Variants in CFAP20DC observed in about 807,000 individuals in gnomAD.
CFAP20DC encodes the protein CFAP20 domain containing.
CFAP20DC carries 84 observed loss-of-function variants against 101.7 expected under a neutral mutation model. The ratio of observed to expected loss-of-function variants is 0.83; its 90% CI spans 0.69 to 0.99. The LOEUF (loss-of-function observed/expected upper bound fraction) is 0.99. CFAP20DC is among the 50% of genes least tolerant of loss of function. The pLI is 0.00. For synonymous variants in CFAP20DC, 359 were observed against 351.2 expected, an observed-to-expected ratio of 1.02 and a Z score of -0.25; for missense variants, 1,007 against 970.3, an observed-to-expected ratio of 1.04 and a Z score of -0.50.
chr3:58,758,980 T>C (rs2069245304), intron 15 of CFAP20DC, among the ~76,000 whole-genome samples: 2 of 152,342 alleles, frequency 1.3e-5, no homozygotes, highest in African/African-American at 4.8e-5. Context: ...CTATTGTGAA[T>C]AGTGCTGCAA....
chr3:58,961,365 C>T (rs1359068556), intron 4 of CFAP20DC, among the ~76,000 whole-genome samples: 1 of 152,078 alleles, frequency 6.6e-6, no homozygotes, highest in Non-Finnish European at 1.5e-5. Context: ...ACAAGCCTGG[C>T]CAACATGGTG....
chr3:58,942,993 G>A (rs2088841022), intron 4 of CFAP20DC, among the ~76,000 whole-genome samples: 1 of 152,224 alleles, frequency 6.6e-6, no homozygotes, highest in African/African-American at 2.4e-5. Context: ...GTGCAGCTCT[G>A]CAAAGCCGCT....
At chr3:58,815,603 T>C (rs1229972805) in intron 14 of CFAP20DC, among the ~76,000 whole-genome samples, 1 of 151,496 alleles carries the variant, frequency 6.6e-6, no homozygotes, top group Non-Finnish European at 1.5e-5. Context: ...TTTCACAACC[T>C]GCTCATCTGA....
intron 5 of CFAP20DC, among the ~76,000 whole-genome samples, chr3:58,934,256 G>T (rs2087183082): frequency 6.6e-6 from 1 of 152,122 alleles, no homozygotes; most frequent in Admixed American, 6.5e-5. Flanking sequence ...CCAATAACAG[G>T]CTCTGAAATT....
Position 58,981,388 on chromosome 3 carries a change from C to T in CFAP20DC, c.279-43626G>A, listed in dbSNP as rs546142231. On this transcript the variant is annotated intron_variant, in intron 4 of 16. Coordinates refer to ENST00000482387, the MANE Select transcript of CFAP20DC (RefSeq NM_001394063.1). Reference sequence around the variant, plus strand: ...GTTCATATGGAACCAAAAAAGAGCCCGCATCGCCAAGTCAATCCTAAGCCA... The same window carrying T: ...GTTCATATGGAACCAAAAAAGAGCCTGCATCGCCAAGTCAATCCTAAGCCA... 5.1e-3 allele frequency among the ~76,000 whole-genome samples: 768 copies of T among 151,084 alleles called. 6 individuals carry two copies. The highest frequency in any genetic ancestry group is 0.017 in the African/African-American group (700 of 41,220).
intron 4 of CFAP20DC, among the ~76,000 whole-genome samples, chr3:58,962,499 G>A (rs2091221489): frequency 6.6e-6 from 1 of 152,138 alleles, no homozygotes; most frequent in South Asian, 2.1e-4. Flanking sequence ...TGAGATTTGT[G>A]ACCACAAATT....
At chr3:58,951,770 G>C (rs533287097) in intron 4 of CFAP20DC, among the ~76,000 whole-genome samples, 280 of 152,060 alleles carry the variant, frequency 1.8e-3, no homozygotes, top group Non-Finnish European at 2.6e-3. Flanking sequence ...GGTGGGGGGA[G>C]AGGGGAGGGA....
intron 15 of CFAP20DC, among the ~76,000 whole-genome samples, chr3:58,759,095 T>A (rs1405788225): frequency 6.6e-6 from 1 of 152,198 alleles, no homozygotes; most frequent in Non-Finnish European, 1.5e-5. Context: ...TAGTTCTAGA[T>A]CCCTGAGGAA....
intron 4 of CFAP20DC, among the ~76,000 whole-genome samples, chr3:58,967,369 A>T (rs2091636130): frequency 6.6e-6 from 1 of 152,212 alleles, no homozygotes; most frequent in Admixed American, 6.5e-5. Context: ...TTAACTCAAA[A>T]TGGATCAAAG....
Position 59,002,853 on chromosome 3 carries a change from C to A in CFAP20DC, c.278+36704G>T, listed in dbSNP as rs1178606932. Reference sequence around the variant, plus strand: ...CTTCTTATCATCAAACTTATCCTCACATTAAGGAGGCATTTTCATTTTCTC... The same window carrying A: ...CTTCTTATCATCAAACTTATCCTCAAATTAAGGAGGCATTTTCATTTTCTC... On this transcript the variant is annotated intron_variant, in intron 4 of 16. Transcript: ENST00000482387. This position sits in a 1 kb window ranked among gnomAD's most constrained non-coding sequence, Gnocchi z 4.5. Among the ~76,000 whole-genome samples, 2 of 152,288 alleles carry A rather than the reference C, an allele frequency of 1.3e-5. No homozygotes were observed. Among genetic ancestry groups the A allele is most frequent in the Middle Eastern group, 6.8e-3 (2 of 294 alleles).
rs191167189 is a variant in CFAP20DC at position 59,035,742 on chromosome 3, T to C, written c.278+3815A>G. On this transcript the variant is annotated intron_variant, in intron 4 of 16. Transcript: ENST00000482387. ...CAAAGAAAGCCCAGAACCAGACAGA[T>C]TCACAGCCAAATTCTACCAGAGGTA... Among the ~76,000 whole-genome samples, 133 of 152,190 alleles carry C rather than the reference T, an allele frequency of 8.7e-4. 1 individual carries two copies. Among genetic ancestry groups the C allele is most frequent in the African/African-American group, 2.9e-3 (120 of 41,528 alleles).
Position 58,729,889 on chromosome 3 carries a change from G to A in CFAP20DC, c.198-12261C>T, listed in dbSNP as rs760192261. Among the ~76,000 whole-genome samples the A allele has an allele frequency of 7.2e-5, 11 of 151,856 alleles. No homozygotes were observed. Among genetic ancestry groups the A allele is most frequent in the Admixed American group, 2.0e-4 (3 of 15,244 alleles). Reference sequence around the variant, plus strand: ...CAAAATTAGCAGGGCATGATGGTGCGCACCTGTAATCCCAGCTACTTGGGA... The same window carrying A: ...CAAAATTAGCAGGGCATGATGGTGCACACCTGTAATCCCAGCTACTTGGGA... On this transcript the variant is annotated intron_variant, in intron 3 of 3. Coordinates refer to the CFAP20DC transcript ENST00000486145. The surrounding 1 kb of genome is among the most constrained non-coding windows in gnomAD (Gnocchi z 4.4).
chr3:58,850,241 T>C (rs550287087), intron 12 of CFAP20DC, among the ~76,000 whole-genome samples: 44 of 152,282 alleles, frequency 2.9e-4, no homozygotes, highest in African/African-American at 9.4e-4. Context: ...TTAAACTGTG[T>C]GATCACTGCA....
Position 58,963,845 on chromosome 3 carries a change from C to T in CFAP20DC, c.279-26083G>A, listed in dbSNP as rs531988733. ...CCCCAAACTGAGTTTACAGCCATGA[C>T]AGGACAGGAGGTCAGACACACCTCA... On this transcript the variant is annotated intron_variant, in intron 4 of 16. Transcript: ENST00000482387. 3.3e-5 allele frequency among the ~76,000 whole-genome samples: 5 copies of T among 152,266 alleles called. No homozygotes were observed. In the South Asian group the frequency reaches 1.0e-3, roughly 32 times the overall value.
chr3:58,763,259 A>C (rs1156383796), intron 15 of CFAP20DC, among the ~76,000 whole-genome samples: 1 of 151,872 alleles, frequency 6.6e-6, no homozygotes, highest in Admixed American at 6.6e-5. Context: ...TTTTCTCTAA[A>C]CTTTTCTTGT....
chr3:58,870,659 C>T (rs1209793120), intron 7 of CFAP20DC, among the ~76,000 whole-genome samples: 23 of 149,816 alleles, frequency 1.5e-4, no homozygotes, highest in South Asian at 1.5e-3. Flanking sequence ...GAGGCCGAGG[C>T]GGGTGGATCA....
intron 4 of CFAP20DC, among the ~76,000 whole-genome samples, chr3:58,974,532 A>C (rs1176008763): frequency 6.6e-6 from 1 of 152,102 alleles, no homozygotes; most frequent in African/African-American, 2.4e-5. Flanking sequence ...ATTTAAGCAT[A>C]CCCTTAGAAT....
chr3:58,865,105 CTT>C (rs533340064), intron 11 of CFAP20DC, among the ~76,000 whole-genome samples: 17 of 131,352 alleles, frequency 1.3e-4, no homozygotes, highest in African/African-American at 1.9e-4. Flanking sequence ...TTTAAATTTG[CTT>C]TTTTTTTTTT....
intron 15 of CFAP20DC, among the ~76,000 whole-genome samples, chr3:58,776,326 G>C (rs1398595838): frequency 6.6e-6 from 1 of 152,090 alleles, no homozygotes; most frequent in African/African-American, 2.4e-5. Context: ...TCCTCTATTT[G>C]CCTAAAAGTA....
Sources: gnomAD v4.1 joint callset for allele counts (sites outside exome capture counted in the v4.1 genomes callset) on GRCh38, gnomAD v4.1.1 for gene constraint, Gnocchi (gnomAD v3.1) non-coding constraint, MANE v1.5 for transcripts, NCBI Gene and HGNC (gene_info 2026-07-23, HGNC 2026-07-21) for gene names.